Variants in SYT1 observed in about 807,000 individuals in gnomAD.
SYT1 encodes the protein synaptotagmin-1.
Under a neutral mutation model 44.8 loss-of-function variants are expected in SYT1, and 8 were observed. That is an observed-to-expected ratio of 0.18 (90% CI 0.10 to 0.32). SYT1 has a LOEUF of 0.32. Among genes scored for constraint, SYT1 ranks in the 10% least tolerant of loss-of-function variants. The probability of loss-of-function intolerance (pLI) is 1.00; values close to 1 mark genes in which losing one functional copy is unlikely to be tolerated. For missense variants in SYT1, 286 were observed against 509.3 expected (o/e 0.56, Z 4.22); for synonymous variants, 154 against 188.8 (o/e 0.82, Z 1.51).
At chr12:78,953,524 G>A (rs932064018) in intron 1 of SYT1, among the ~76,000 whole-genome samples, 1 of 151,972 alleles carries the variant, frequency 6.6e-6, no homozygotes, top group African/African-American at 2.4e-5. Context: ...CTAAAGTCTT[G>A]CCCCGTTTAA....
chr12:79,232,169 G>C (rs1001487314), intron 4 of SYT1, among the ~76,000 whole-genome samples: 3 of 152,146 alleles, frequency 2.0e-5, no homozygotes, highest in African/African-American at 7.2e-5. Context: ...GGAATATAAT[G>C]GTCACATTCA....
chr12:79,370,969 A>G (rs1211536747), intron 9 of SYT1, among the ~76,000 whole-genome samples: 1 of 152,034 alleles, frequency 6.6e-6, no homozygotes, highest in African/African-American at 2.4e-5. Context: ...AGACAAATGT[A>G]TCCTCACCAA....
intron 8 of SYT1, among the ~76,000 whole-genome samples, chr12:79,318,379 C>T (rs1881200773): frequency 6.6e-6 from 1 of 152,148 alleles, no homozygotes; most frequent in South Asian, 2.1e-4. Context: ...GGTTTGTCCT[C>T]GAATGGAACC....
At chr12:79,228,071 C>G (rs1027004258) in intron 4 of SYT1, among the ~76,000 whole-genome samples, 18 of 142,404 alleles carry the variant, frequency 1.3e-4, no homozygotes, top group Non-Finnish European at 2.3e-4. Context: ...TTTACTTTCT[C>G]TCTCCTTCAT....
chr12:79,187,661 G>A (rs1466622975), intron 3 of SYT1, among the ~76,000 whole-genome samples: 1 of 152,074 alleles, frequency 6.6e-6, no homozygotes, highest in Non-Finnish European at 1.5e-5. Flanking sequence ...TAAAAGATTA[G>A]TAGGAGCCCT....
intron 1 of SYT1, among the ~76,000 whole-genome samples, chr12:78,876,463 G>T (rs201679356): frequency 0.066 from 2,701 of 41,118 alleles, 175 homozygotes; most frequent in Middle Eastern, 0.14. Flanking sequence ...AAATGGAGGT[G>T]TTTTTTTTTT....
chr12:78,887,052 A>G (rs1874789066), intron 1 of SYT1, among the ~76,000 whole-genome samples: 2 of 151,986 alleles, frequency 1.3e-5, no homozygotes, highest in Admixed American at 1.3e-4. Flanking sequence ...CTCCTTACCC[A>G]CGATTTCACT....
chr12:79,149,196 C>G (rs1870112178), intron 3 of SYT1, among the ~76,000 whole-genome samples: 4 of 151,806 alleles, frequency 2.6e-5, no homozygotes, highest in Admixed American at 2.0e-4. Context: ...TTCTATTTGA[C>G]CTTTTGAATT....
At chr12:79,238,344 T>C (rs942512354) in intron 4 of SYT1, among the ~76,000 whole-genome samples, 2 of 152,180 alleles carry the variant, frequency 1.3e-5, no homozygotes, top group African/African-American at 4.8e-5. Flanking sequence ...GCTAGACATA[T>C]AAGCATCCAG....
intron 1 of SYT1, among the ~76,000 whole-genome samples, chr12:78,941,446 C>T (rs1270866858): frequency 1.3e-5 from 2 of 150,502 alleles, no homozygotes; most frequent in African/African-American, 2.4e-5. Flanking sequence ...TTATGTAATA[C>T]TTTAGAAGAA....
chr12:79,058,906 G>A (rs1392465539), intron 3 of SYT1, among the ~76,000 whole-genome samples: 1 of 151,930 alleles, frequency 6.6e-6, no homozygotes, highest in Admixed American at 6.6e-5. Context: ...TTTTCCCAGT[G>A]GGTCTTGCAA....
chr12:79,340,445 G>T (rs1882314592), intron 8 of SYT1, among the ~76,000 whole-genome samples: 1 of 152,086 alleles, frequency 6.6e-6, no homozygotes, highest in South Asian at 2.1e-4. Context: ...GTGAATGGGA[G>T]CTCACTCATG....
At chr12:79,215,241 CAATT>C (rs994503958) in intron 3 of SYT1, among the ~76,000 whole-genome samples, 13 of 152,168 alleles carry the variant, frequency 8.5e-5, no homozygotes, top group East Asian at 5.8e-4. Flanking sequence ...ATTGATCAAT[CAATT>C]GATTGATCCA....
At chr12:79,320,566 G>A (rs932617622) in intron 8 of SYT1, among the ~76,000 whole-genome samples, 7 of 151,160 alleles carry the variant, frequency 4.6e-5, no homozygotes, top group African/African-American at 1.7e-4. Context: ...CTCTCCAAAC[G>A]TCATATCAGC....
At chr12:79,085,456 G>T (rs759068247) in intron 3 of SYT1, among the ~76,000 whole-genome samples, 1 of 152,058 alleles carries the variant, frequency 6.6e-6, no homozygotes, top group Non-Finnish European at 1.5e-5. Context: ...AAGTTTATAT[G>T]TGGTGGAAAA....
At chr12:79,259,304 T>A (rs1447845253) in intron 4 of SYT1, among the ~76,000 whole-genome samples, 1 of 152,222 alleles carries the variant, frequency 6.6e-6, no homozygotes, top group Non-Finnish European at 1.5e-5. Flanking sequence ...GAAAGTACAA[T>A]CATTGTTTTT....
At position 78,887,405 on chromosome 12, in the gene SYT1, A is replaced by G. The variant is rs534568712; in HGVS notation, c.-217+22296A>G. 2.1e-3 allele frequency among the ~76,000 whole-genome samples: 319 copies of G among 152,110 alleles called. 1 individual carries two copies. Among genetic ancestry groups the G allele is most frequent in the Non-Finnish European group, 3.0e-3 (204 of 67,922 alleles). ...AATTCGGATATGCCAAAGAGAAGCC[A>G]TAAAGTGCTTCTTCTAAGTGACAAG... On this transcript the variant is annotated intron_variant, in intron 1 of 10. Coordinates refer to ENST00000261205, the MANE Select transcript of SYT1 (RefSeq NM_005639.3).
chr12:79,287,601 G>A (rs1481149124), intron 5 of SYT1, among the ~76,000 whole-genome samples: 3 of 152,234 alleles, frequency 2.0e-5, no homozygotes, highest in East Asian at 3.9e-4. Context: ...AAATTTGAAT[G>A]TGGTTTCCCT....
intron 1 of SYT1, among the ~76,000 whole-genome samples, chr12:78,892,558 G>C (rs1381881): frequency 0.73 from 110,402 of 151,432 alleles, 40,376 homozygotes; most frequent in East Asian, 0.83. Flanking sequence ...GAGCCGCCCC[G>C]ATCAAATTTT....
Sources: gnomAD v4.1 joint callset for allele counts (sites outside exome capture counted in the v4.1 genomes callset) on GRCh38, gnomAD v4.1.1 for gene constraint, MANE v1.5 for transcripts, NCBI Gene and HGNC (gene_info 2026-07-23, HGNC 2026-07-21) for gene names.